Variants in TSPAN1 observed in about 807,000 individuals in gnomAD.
TSPAN1 encodes tetraspanin-1.
In TSPAN1, 23 loss-of-function variants were observed where a neutral mutation model predicts 26.9. The observed-to-expected ratio is 0.85, with a 90% CI of 0.62 to 1.21. TSPAN1 has a LOEUF of 1.21. TSPAN1 is among the 50% of genes most tolerant of loss of function. TSPAN1 has a pLI of 0.00. For synonymous variants in TSPAN1, 115 were observed against 114.8 expected (o/e 1.00, Z -0.01); for missense variants, 283 against 298.4 (o/e 0.95, Z 0.38).
intron 1 of TSPAN1, 198 bp downstream of exon 1, chr1:46,175,607 A>G (rs750611054): frequency 5.0e-6 from 2 of 399,108 alleles, no homozygotes; most frequent in South Asian, 2.5e-4. Flanking sequence ...GAAAAATCCC[A>G]GGTTGCCTGA....
downstream of TSPAN1, chr1:46,189,864 T>G (rs1478943022): frequency 6.2e-7 from 1 of 1,613,872 alleles, no homozygotes; most frequent in Non-Finnish European, 8.5e-7. Flanking sequence ...CTTGGCAAGC[T>G]GGGTCCAGGT....
chr1:46,192,991 G>A, the TSPAN1 span: 58 of 1,612,898 alleles, frequency 3.6e-5, 1 homozygote, highest in South Asian at 6.0e-4. Flanking sequence ...TGGTCCCAAA[G>A]GGGTCTCTCC....
At chr1:46,196,341 C>G in the TSPAN1 span, among the ~76,000 whole-genome samples, 3 of 152,350 alleles carry the variant, frequency 2.0e-5, no homozygotes, top group South Asian at 6.2e-4. The surrounding 1 kb of genome is among the most constrained non-coding windows in gnomAD (Gnocchi z 4.4). Context: ...CTGCTTCATC[C>G]TGGAAGTATC....
At chr1:46,192,134 A>G in the TSPAN1 span, 2 of 1,613,918 alleles carry the variant, frequency 1.2e-6, no homozygotes, top group Non-Finnish European at 1.7e-6. Flanking sequence ...CGACGATGCC[A>G]AAGTGGTAGG....
At chr1:46,176,357 G>A (rs543520644) in intron 1 of TSPAN1, 25 of 1,535,734 alleles carry the variant, frequency 1.6e-5, no homozygotes, top group East Asian at 7.3e-5. Context: ...TATCTTCTGC[G>A]GCTACACTTG....
chr1:46,186,613 C>T (rs1657432693), downstream of TSPAN1, among the ~76,000 whole-genome samples: 1 of 149,066 alleles, frequency 6.7e-6, no homozygotes, highest in South Asian at 2.1e-4. Flanking sequence ...CCTCAGCCTC[C>T]TGAGTAGCTG....
rs141816531 is a variant in TSPAN1 at position 46,179,964 on chromosome 1, A to AGTGT, written c.-141-541_-141-538dup. Among the ~76,000 whole-genome samples, 623 of 146,884 alleles carry AGTGT rather than the reference A, an allele frequency of 4.2e-3. 3 individuals carry two copies. The highest frequency in any genetic ancestry group is 0.027 in the East Asian group (134 of 4,956). ...GAGAGACAGAGAAAGAGAAAGAGGG[A>AGTGT]GTGTGTGTGTGTGTGTGTGTGTGTT... On this transcript the variant is annotated intron_variant, in intron 1 of 8. Transcript: ENST00000372003.
At chr1:46,180,818 T>C (rs1041936671) in intron 2 of TSPAN1, among the ~76,000 whole-genome samples, 160 bp downstream of exon 2, 22 of 152,026 alleles carry the variant, frequency 1.4e-4, no homozygotes, top group Non-Finnish European at 2.9e-4. Flanking sequence ...TGGAGTGACC[T>C]GCAGTGTGGG....
intron 4 of TSPAN1, 98 bp downstream of exon 4, chr1:46,184,495 G>A: frequency 6.2e-7 from 1 of 1,605,462 alleles, no homozygotes; most frequent in East Asian, 2.2e-5. Context: ...ACCCCCCTAG[G>A]CTCAGGCTTC....
downstream of TSPAN1, among the ~76,000 whole-genome samples, chr1:46,186,507 T>G (rs1380829517): frequency 9.5e-3 from 1,421 of 148,844 alleles, 22 homozygotes; most frequent in African/African-American, 0.033. Flanking sequence ...TTTTTTTTTT[T>G]GGGACAGAGT....
intron 3 of TSPAN1, 34 bp downstream of exon 3, chr1:46,181,198 CCTA>C (rs1438756782): frequency 6.3e-7 from 1 of 1,597,876 alleles, no homozygotes. Context: ...TTTGGGGCTC[CCTA>C]TAGGAGCAGG....
chr1:46,192,680 G>A, the TSPAN1 span: 1 of 1,601,240 alleles, frequency 6.2e-7, no homozygotes, highest in African/African-American at 1.3e-5. Flanking sequence ...TGGGTCTCAG[G>A]AGCACCTCCT....
chr1:46,193,315 C>T, the TSPAN1 span: 16 of 1,613,610 alleles, frequency 9.9e-6, no homozygotes, highest in African/African-American at 1.3e-5. Flanking sequence ...CTGAGACACG[C>T]GGGCATTCTT....
At chr1:46,194,744 C>A in the TSPAN1 span, 5 of 1,613,860 alleles carry the variant, frequency 3.1e-6, no homozygotes, top group Non-Finnish European at 4.2e-6. Flanking sequence ...CAACCCACTG[C>A]CACTGGCTCC....
the TSPAN1 span, chr1:46,192,534 G>C: frequency 6.2e-7 from 1 of 1,614,208 alleles, no homozygotes; most frequent in Non-Finnish European, 8.5e-7. Context: ...ATTCCAGGCA[G>C]AGATGCAGTA....
rs1157101481 is a variant in TSPAN1 at position 46,176,175 on chromosome 1, T to C, written c.-142+766T>C. On this transcript the variant is annotated intron_variant, in intron 1 of 8. Transcript: ENST00000372003. ...CAGGCATGAGCCACCGCACCCAGCC[T>C]AGTGGCTCTGTTTTTTAAAACCCCA... 3.9e-6 allele frequency: 6 copies of C among 1,530,438 alleles called. No individual in the cohort carries two copies. The Admixed American group carries it at 1.2e-4, about 30-fold the overall frequency. 94.8% of individuals were successfully genotyped at this position (1,530,438 alleles called of 1,614,324 possible). A position where few individuals can be genotyped will look rare whatever the true frequency, so the allele number is the denominator to read the frequency against.
chr1:46,185,717 T>C lies in TSPAN1; in HGVS notation c.*184T>C. ...CACTCCTTTTAGGCGATGCCTGACTTTCCTTCCATTGGTGGGTGGATGGGT... is the reference window on the plus strand; with the variant it reads ...CACTCCTTTTAGGCGATGCCTGACTCTCCTTCCATTGGTGGGTGGATGGGT... On this transcript the variant is annotated 3_prime_UTR_variant, in exon 9 of 9. Coordinates refer to ENST00000372003, the MANE Select transcript of TSPAN1 (RefSeq NM_005727.4). 1 of 669,120 alleles carries C rather than the reference T, an allele frequency of 1.5e-6. No homozygotes were observed. The allele number at this position is 669,120 out of a possible 1,614,324, so 41.4% of individuals were successfully genotyped here.
the TSPAN1 span, chr1:46,193,717 G>A: frequency 1.2e-6 from 2 of 1,605,970 alleles, no homozygotes; most frequent in Non-Finnish European, 1.7e-6. Flanking sequence ...GCTGGGCCCA[G>A]AGTCCCTATG....
intron 1 of TSPAN1, among the ~76,000 whole-genome samples, chr1:46,176,073 C>T (rs1213984589): frequency 6.6e-6 from 1 of 152,294 alleles, no homozygotes; most frequent in South Asian, 2.1e-4. Context: ...GATGGGATTT[C>T]ACCGTGTTAG....
Sources: gnomAD v4.1 joint callset for allele counts (sites outside exome capture counted in the v4.1 genomes callset) on GRCh38, gnomAD v4.1.1 for gene constraint, Gnocchi (gnomAD v3.1) non-coding constraint, MANE v1.5 for transcripts, NCBI Gene and HGNC (gene_info 2026-07-23, HGNC 2026-07-21) for gene names.